Variants in AGAP1 observed in about 807,000 individuals in gnomAD.
AGAP1 encodes ArfGAP with GTPase domain, ankyrin repeat and PH domain 1, also known as arf-GAP with GTPase, ANK repeat and PH domain-containing protein 1.
In AGAP1, 29 loss-of-function variants were observed where a neutral mutation model predicts 105.3. The ratio of observed to expected loss-of-function variants is 0.28; its 90% CI spans 0.21 to 0.38. The LOEUF is 0.38. AGAP1 is among the 10% of genes least tolerant of loss of function. The probability of loss-of-function intolerance (pLI) is 1.00; values close to 1 mark genes in which losing one functional copy is unlikely to be tolerated. For synonymous variants in AGAP1, 509 were observed against 485.9 expected (o/e 1.05, Z -0.63); for missense variants, 998 against 1,165.1 (o/e 0.86, Z 2.09).
chr2:236,052,358 GAAGT>G (rs1046711455), intron 16 of AGAP1, among the ~76,000 whole-genome samples: 3 of 152,276 alleles, frequency 2.0e-5, no homozygotes, highest in African/African-American at 7.2e-5. Flanking sequence ...AGACCATGGG[GAAGT>G]AGAACACAGC....
intron 16 of AGAP1, among the ~76,000 whole-genome samples, chr2:236,077,315 G>GT (rs1273104005): frequency 1.4e-5 from 2 of 146,820 alleles, no homozygotes; most frequent in African/African-American, 5.0e-5. Flanking sequence ...ATGTCCTTAT[G>GT]TATGTCTCTT....
At position 235,723,711 on chromosome 2, in the gene AGAP1, A is replaced by G. The variant is rs151223257; in HGVS notation, c.310+6067A>G. Among the ~76,000 whole-genome samples, 90 of 152,316 alleles carry G rather than the reference A, an allele frequency of 5.9e-4. 1 individual carries two copies. The highest frequency in any genetic ancestry group is 2.1e-3 in the African/African-American group (87 of 41,574). On this transcript the variant is annotated intron_variant, in intron 3 of 17. Coordinates refer to ENST00000304032, the MANE Select transcript of AGAP1 (RefSeq NM_001037131.3). The surrounding 1 kb of genome is among the most constrained non-coding windows in gnomAD (Gnocchi z 6.2). ...CTGAGGAGGGCAGAAAGGTGGCCCC[A>G]CAAGCTTCCCAAGATGAAACTAAAC...
chr2:236,110,438 C>T (rs1003580764), intron 16 of AGAP1, among the ~76,000 whole-genome samples: 1 of 151,972 alleles, frequency 6.6e-6, no homozygotes, highest in Non-Finnish European at 1.5e-5. Flanking sequence ...TGATGTGCAC[C>T]TGTAGTTCCA....
Position 235,621,052 on chromosome 2 carries a change from G to GCTCTT in AGAP1, c.164-88126_164-88122dup, listed in dbSNP as rs1223187592. On this transcript the variant is annotated intron_variant, in intron 1 of 17. Coordinates refer to ENST00000304032, the MANE Select transcript of AGAP1 (RefSeq NM_001037131.3). The surrounding 1 kb of genome is among the most constrained non-coding windows in gnomAD (Gnocchi z 4.1). Reference sequence around the variant, plus strand: ...TTCCTTTTTTTGGAGACCCAGTCTCGCTCTTGTCTCCCAGGCTGGAGTACA... The same window carrying GCTCTT: ...TTCCTTTTTTTGGAGACCCAGTCTCGCTCTTCTCTTGTCTCCCAGGCTGGAGTACA... Among the ~76,000 whole-genome samples, 7 of 152,008 alleles carry GCTCTT rather than the reference G, an allele frequency of 4.6e-5. No homozygotes were observed. The highest frequency in any genetic ancestry group is 1.0e-4 in the Non-Finnish European group (7 of 68,020).
rs1191323041 is a variant in AGAP1 at position 235,712,663 on chromosome 2, G to C, written c.222+3426G>C. ...TTGGCCTTGTGATGTGAAGGGCCGA[G>C]TATGGGTTCCAACGCACTTCATGTG... On this transcript the variant is annotated intron_variant, in intron 2 of 17. Coordinates refer to ENST00000304032, the MANE Select transcript of AGAP1 (RefSeq NM_001037131.3). This position sits in a 1 kb window ranked among gnomAD's most constrained non-coding sequence, Gnocchi z 6.0. Among the ~76,000 whole-genome samples the C allele has an allele frequency of 6.6e-6, 1 of 152,230 alleles. No individual in the cohort carries two copies. The highest frequency in any genetic ancestry group is 1.5e-5 in the Non-Finnish European group (1 of 68,040).
chr2:235,655,371 G>A lies in AGAP1; in HGVS notation c.164-53808G>A, dbSNP rs923609037. ...AATAGATGGAAAGCTGGAAAGTGATGTGGCCTGAATTCCTTTCTAGGTAAT... is the reference window on the plus strand; with the variant it reads ...AATAGATGGAAAGCTGGAAAGTGATATGGCCTGAATTCCTTTCTAGGTAAT... On this transcript the variant is annotated intron_variant, in intron 1 of 17. Coordinates refer to ENST00000304032, the MANE Select transcript of AGAP1 (RefSeq NM_001037131.3). The surrounding 1 kb of genome is among the most constrained non-coding windows in gnomAD (Gnocchi z 4.3). Among the ~76,000 whole-genome samples, 1 of 152,158 alleles carries A rather than the reference G, an allele frequency of 6.6e-6. No homozygotes were observed. Among genetic ancestry groups the A allele is most frequent in the Non-Finnish European group, 1.5e-5 (1 of 68,026 alleles).
At position 235,992,712 on chromosome 2, in the gene AGAP1, C is replaced by T. The variant is rs1348736725; in HGVS notation, c.1645+24089C>T. On this transcript the variant is annotated intron_variant, in intron 13 of 17. Coordinates refer to ENST00000304032, the MANE Select transcript of AGAP1 (RefSeq NM_001037131.3). This position sits in a 1 kb window ranked among gnomAD's most constrained non-coding sequence, Gnocchi z 4.8. ...TGACTCTTCAACTCACCAAGAATAT[C>T]GTGGCCGCTGAGGTCCTGCACACCT... 3.9e-5 allele frequency among the ~76,000 whole-genome samples: 6 copies of T among 152,196 alleles called. No homozygotes were observed. The highest frequency in any genetic ancestry group is 6.5e-5 in the Admixed American group (1 of 15,282).
At position 235,787,551 on chromosome 2, in the gene AGAP1, T is replaced by G. The variant is rs528995981; in HGVS notation, c.674-10208T>G. ...TGATGTTGTGGTTGGTTGGTTGACA[T>G]TTTCTAGATGATGCAGCTGGCAGAT... On this transcript the variant is annotated intron_variant, in intron 6 of 17. Transcript: ENST00000304032. The surrounding 1 kb of genome is among the most constrained non-coding windows in gnomAD (Gnocchi z 4.4). Among the ~76,000 whole-genome samples the G allele has an allele frequency of 6.6e-6, 1 of 152,286 alleles. No homozygotes were observed. The highest frequency in any genetic ancestry group is 2.1e-4 in the South Asian group (1 of 4,820).
At chr2:235,597,870 G>A (rs1945583493) in intron 1 of AGAP1, among the ~76,000 whole-genome samples, 1 of 76,422 alleles carries the variant, frequency 1.3e-5, no homozygotes, top group African/African-American at 5.9e-5. Flanking sequence ...TTTGTGTGGA[G>A]CGTGCACGCG....
In AGAP1 at chr2:236,090,946, C is replaced by G. The variant is rs1423264868; in HGVS notation, c.2115-29246C>G. Among the ~76,000 whole-genome samples the G allele has an allele frequency of 1.3e-5, 2 of 152,190 alleles. No homozygotes were observed. Among genetic ancestry groups the G allele is most frequent in the Non-Finnish European group, 2.9e-5 (2 of 68,030 alleles). The stretch of plus-strand genomic sequence containing the variant: ...TAGGGATGAGGTTTCACCATGTTGG[C>G]CAGGCTGGTGTCGACCTCCTGACCT... On this transcript the variant is annotated intron_variant, in intron 16 of 17. Transcript: ENST00000304032. This position sits in a 1 kb window ranked among gnomAD's most constrained non-coding sequence, Gnocchi z 4.3.
At chr2:235,554,795 G>T (rs956397729) in intron 1 of AGAP1, among the ~76,000 whole-genome samples, 1 of 152,038 alleles carries the variant, frequency 6.6e-6, no homozygotes, top group East Asian at 1.9e-4. Flanking sequence ...TCAGCCTCCC[G>T]TGTAGCTGGG....
intron 1 of AGAP1, among the ~76,000 whole-genome samples, chr2:235,607,832 G>T (rs1945997492): frequency 6.6e-6 from 1 of 152,200 alleles, no homozygotes; most frequent in Non-Finnish European, 1.5e-5. Flanking sequence ...CACTATCGGG[G>T]AACGTTCTTT....
At chr2:236,108,263 C>T (rs527498369) in intron 16 of AGAP1, among the ~76,000 whole-genome samples, 1 of 152,310 alleles carries the variant, frequency 6.6e-6, no homozygotes, top group Non-Finnish European at 1.5e-5. Context: ...CTCTTCCTCA[C>T]GTATTGTTCC....
At chr2:236,041,805 C>T (rs902773539) in intron 15 of AGAP1, among the ~76,000 whole-genome samples, 1 of 152,228 alleles carries the variant, frequency 6.6e-6, no homozygotes. Context: ...ACCTGCTGAC[C>T]ATGGAGCTAA....
intron 1 of AGAP1, among the ~76,000 whole-genome samples, chr2:235,672,160 C>G (rs993632063): frequency 6.6e-6 from 1 of 152,160 alleles, no homozygotes; most frequent in African/African-American, 2.4e-5. Flanking sequence ...GCTGTGTAAC[C>G]CACCTCTGGA....
rs3030744 is a variant in AGAP1, at chr2:236,038,819, ATG to A, written c.1801-1903_1801-1902del. On this transcript the variant is annotated intron_variant, in intron 14 of 17. Transcript: ENST00000304032. The surrounding 1 kb of genome is among the most constrained non-coding windows in gnomAD (Gnocchi z 4.5). ...GAGAGACAGAGGCACATCCCTTTGT[ATG>A]TGTGTGTGTGTGTGTGTGTGTGTGT... Among the ~76,000 whole-genome samples, 4,106 of 95,422 alleles carry A rather than the reference ATG, an allele frequency of 0.043. 170 individuals are homozygous for A. Among genetic ancestry groups the A allele is most frequent in the African/African-American group, 0.1 (3,568 of 34,604 alleles). The allele number at this position is 95,422 out of a possible 152,430, so 62.6% of individuals were successfully genotyped here.
At chr2:235,666,264 G>A (rs558740393) in intron 1 of AGAP1, among the ~76,000 whole-genome samples, 69 of 151,860 alleles carry the variant, frequency 4.5e-4, no homozygotes, top group Non-Finnish European at 9.1e-4. Flanking sequence ...TTCAAGAAAT[G>A]GCAGTCTAGT....
In AGAP1 at chr2:235,728,301, C is replaced by CTGTGTGTGTGTGTGTGTGTGTGTGTG. The variant is rs143714801; in HGVS notation, c.310+10658_310+10683dup. 1.6e-3 allele frequency among the ~76,000 whole-genome samples: 239 copies of CTGTGTGTGTGTGTGTGTGTGTGTGTG among 148,606 alleles called. 2 individuals carry two copies. Among genetic ancestry groups the CTGTGTGTGTGTGTGTGTGTGTGTGTG allele is most frequent in the African/African-American group, 5.8e-3 (232 of 40,254 alleles). The stretch of plus-strand genomic sequence containing the variant: ...ATCTGAAAAGGACTGGGCCCAGACT[C>CTGTGTGTGTGTGTGTGTGTGTGTGTG]TGTGTGTGTGTGTGTGTGTGTGTGT... On this transcript the variant is annotated intron_variant, in intron 3 of 17. Transcript: ENST00000304032. The surrounding 1 kb of genome is among the most constrained non-coding windows in gnomAD (Gnocchi z 4.3).
rs573492626 is a variant in AGAP1, at chr2:235,705,558, G to C, written c.164-3621G>C. Among the ~76,000 whole-genome samples, 7 of 152,314 alleles carry C rather than the reference G, an allele frequency of 4.6e-5. No homozygotes were observed. Among genetic ancestry groups the C allele is most frequent in the African/African-American group, 1.4e-4 (6 of 41,570 alleles). On this transcript the variant is annotated intron_variant, in intron 1 of 17. Transcript: ENST00000304032. The surrounding 1 kb of genome is among the most constrained non-coding windows in gnomAD (Gnocchi z 4.9). ...CAGCCCACAGATAGGTCCCTGTAGTGGAGTAGGAGGAAGGACTATTTTGGT... is the reference window on the plus strand; with the variant it reads ...CAGCCCACAGATAGGTCCCTGTAGTCGAGTAGGAGGAAGGACTATTTTGGT...
Sources: allele counts gnomAD v4.1 joint callset (sites outside exome capture counted in the v4.1 genomes callset), GRCh38; gene constraint gnomAD v4.1.1; non-coding constraint Gnocchi (gnomAD v3.1); transcripts MANE v1.5; gene names NCBI Gene and HGNC (gene_info 2026-07-23, HGNC 2026-07-21).